CSMD2: variants seen among roughly 807,000 people sequenced by gnomAD.
CSMD2 encodes CUB and sushi domain-containing protein 2.
In CSMD2, 130 loss-of-function variants were observed where a neutral mutation model predicts 398.5. The ratio of observed to expected loss-of-function variants is 0.33; its 90% CI spans 0.28 to 0.38. The LOEUF is 0.38. Among genes scored for constraint, CSMD2 ranks in the 10% least tolerant of loss-of-function variants. CSMD2 has a pLI of 1.00. For missense variants in CSMD2, 3,829 were observed against 4,764.9 expected, an observed-to-expected ratio of 0.80 and a Z score of 5.78; for synonymous variants, 1,828 against 1,908.5, an observed-to-expected ratio of 0.96 and a Z score of 1.10.
chr1:33,651,896 A>C (rs1023861890), intron 28 of CSMD2, among the ~76,000 whole-genome samples: 1 of 152,006 alleles, frequency 6.6e-6, no homozygotes, highest in Non-Finnish European at 1.5e-5. Context: ...CTGTAGCAGG[A>C]ATGGAAAAGC....
intron 10 of CSMD2, 100 bp from the exon 11 acceptor site, chr1:33,792,626 C>A: frequency 1.3e-6 from 1 of 768,634 alleles, no homozygotes; most frequent in South Asian, 1.5e-5. Context: ...TCCCAATGCT[C>A]AGAGTCACTG....
At chr1:33,931,785 G>A (rs528790290) in intron 4 of CSMD2, among the ~76,000 whole-genome samples, 17 of 152,322 alleles carry the variant, frequency 1.1e-4, no homozygotes, top group Middle Eastern at 6.8e-3. Flanking sequence ...ACTAGACCCC[G>A]TCAGTGATGA....
intron 6 of CSMD2, among the ~76,000 whole-genome samples, chr1:33,835,860 A>C (rs1660188883): frequency 6.6e-6 from 1 of 152,040 alleles, no homozygotes; most frequent in Non-Finnish European, 1.5e-5. Flanking sequence ...TCTTCTCTTA[A>C]CTCGTCAAAG....
At chr1:34,028,316 A>G (rs888098629) in intron 3 of CSMD2, among the ~76,000 whole-genome samples, 1 of 152,160 alleles carries the variant, frequency 6.6e-6, no homozygotes, top group African/African-American at 2.4e-5. Context: ...GCCCTATCTC[A>G]AAAAACTAAA....
At position 33,788,597 on chromosome 1, in the gene CSMD2, TA is replaced by T; in HGVS notation, c.1663+2del. On this transcript the variant is annotated splice_donor_variant, in intron 12 of 70. Coordinates refer to ENST00000373381, the MANE Select transcript of CSMD2 (RefSeq NM_001281956.2). LOFTEE classifies it high-confidence loss of function. ...GTTCATCTGGCTTGCCAAAAGCAGTTACCTTCATAAGAAGCCTTGAATCCCA... is the reference window on the plus strand; with the variant it reads ...GTTCATCTGGCTTGCCAAAAGCAGTTCCTTCATAAGAAGCCTTGAATCCCA... 1 of 1,574,726 alleles carries T rather than the reference TA, an allele frequency of 6.4e-7. No individual in the cohort carries two copies. Among genetic ancestry groups the T allele is most frequent in the Non-Finnish European group, 8.7e-7 (1 of 1,144,288 alleles).
At chr1:34,031,765 C>CAAAA (rs556094322) in intron 3 of CSMD2, among the ~76,000 whole-genome samples, 26 of 71,248 alleles carry the variant, frequency 3.6e-4, no homozygotes, top group East Asian at 8.1e-4. Flanking sequence ...AAGGCAAAGG[C>CAAAA]AAAAAAAAAA....
intron 56 of CSMD2, among the ~76,000 whole-genome samples, chr1:33,548,072 G>A (rs1657078080): frequency 6.6e-6 from 1 of 152,214 alleles, no homozygotes; most frequent in African/African-American, 2.4e-5. Context: ...ACAGCCGTGT[G>A]AAGATGTGCC....
intron 5 of CSMD2, among the ~76,000 whole-genome samples, chr1:33,889,455 G>A (rs935849318): frequency 3.9e-5 from 6 of 152,198 alleles, no homozygotes; most frequent in Non-Finnish European, 8.8e-5. Flanking sequence ...AATTGGCACA[G>A]TCTTTCTGGA....
Position 33,646,632 on chromosome 1 carries a change from G to A in CSMD2, c.4774+16C>T. On this transcript the variant is annotated intron_variant, in intron 29 of 70. Coordinates refer to ENST00000373381, the MANE Select transcript of CSMD2 (RefSeq NM_001281956.2). ...CTGGACCTGTCCTCAGTACTCTCTG[G>A]CACCAGGGCCCTTACCTGTATAGTC... 6.2e-7 allele frequency: 1 copy of A among 1,612,230 alleles called. No homozygotes were observed. The highest frequency in any genetic ancestry group is 8.5e-7 in the Non-Finnish European group (1 of 1,179,616).
chr1:33,651,887 T>C (rs1315938267), intron 28 of CSMD2, among the ~76,000 whole-genome samples: 1 of 151,988 alleles, frequency 6.6e-6, no homozygotes, highest in Non-Finnish European at 1.5e-5. Flanking sequence ...AGAGCTTTTC[T>C]GTAGCAGGAA....
At chr1:33,743,148 G>T in intron 14 of CSMD2, 132 bp downstream of exon 14, 4 of 704,392 alleles carry the variant, frequency 5.7e-6, no homozygotes, top group South Asian at 4.2e-5. Context: ...CCATGACTGG[G>T]CACTGCAGCC....
intron 1 of CSMD2, among the ~76,000 whole-genome samples, chr1:34,116,254 G>A (rs76511842): frequency 0.19 from 29,595 of 151,774 alleles, 3,084 homozygotes; most frequent in South Asian, 0.36. Flanking sequence ...GTAAAAGAAC[G>A]GACAAAGATA....
intron 3 of CSMD2, among the ~76,000 whole-genome samples, chr1:34,022,217 C>T (rs779743234): frequency 2.6e-5 from 4 of 152,182 alleles, no homozygotes; most frequent in Non-Finnish European, 2.9e-5. Context: ...CTTACACATC[C>T]ACTTAGTGAG....
rs937092000 is a variant in CSMD2 at position 33,624,802 on chromosome 1, A to G, written c.5501-159T>C. Among the ~76,000 whole-genome samples, 10 of 151,896 alleles carry G rather than the reference A, an allele frequency of 6.6e-5. No homozygotes were observed. Among genetic ancestry groups the G allele is most frequent in the African/African-American group, 2.2e-4 (9 of 41,320 alleles). ...CCTGCCTTCTCCACGGCCTCTCCCC[A>G]TGCAACTCTGTTCGGGGCCCTGGGC... is the stretch of plus-strand genomic sequence containing the variant. On this transcript the variant is annotated intron_variant, in intron 34 of 70. Transcript: ENST00000373381. The surrounding 1 kb of genome is among the most constrained non-coding windows in gnomAD (Gnocchi z 4.7).
At chr1:34,098,450 GAA>G (rs958454036) in intron 1 of CSMD2, among the ~76,000 whole-genome samples, 1 of 147,798 alleles carries the variant, frequency 6.8e-6, no homozygotes, top group Non-Finnish European at 1.5e-5. Context: ...TAAATAAAAA[GAA>G]AAAAAAAGAA....
At chr1:33,548,750 C>T (rs957585901) in intron 56 of CSMD2, among the ~76,000 whole-genome samples, 5 of 152,206 alleles carry the variant, frequency 3.3e-5, no homozygotes, top group African/African-American at 4.8e-5. Flanking sequence ...CTAGCCTTTG[C>T]GTACATTGAA....
chr1:34,040,867 G>A (rs192593390), intron 2 of CSMD2, among the ~76,000 whole-genome samples: 26 of 152,322 alleles, frequency 1.7e-4, no homozygotes, highest in Non-Finnish European at 3.4e-4. Flanking sequence ...GCTTGTGCCT[G>A]TAATCCCAAC....
Position 33,514,279 on chromosome 1 carries a change from CCTT to C in CSMD2, c.*2342_*2344del, listed in dbSNP as rs910520080. On this transcript the variant is annotated 3_prime_UTR_variant, in exon 71 of 71. Coordinates refer to ENST00000373381, the MANE Select transcript of CSMD2 (RefSeq NM_001281956.2). ...TACAATAATGAAAAAAAAATTTACA[CCTT>C]TTTTTTTTTCTTTTTTGGTACTGTA... The C allele has an allele frequency of 9.9e-6, 1 of 100,806 alleles. No individual in the cohort carries two copies. The highest frequency in any genetic ancestry group is 2.2e-5 in the Non-Finnish European group (1 of 45,428). 6.2% of individuals were successfully genotyped at this position (100,806 alleles called of 1,614,324 possible). A position where few individuals can be genotyped will look rare whatever the true frequency, so the allele number is the denominator to read the frequency against.
intron 4 of CSMD2, among the ~76,000 whole-genome samples, chr1:33,934,467 G>A (rs1644406287): frequency 6.6e-6 from 1 of 152,220 alleles, no homozygotes; most frequent in Admixed American, 6.5e-5. Context: ...CTTTCAAGAT[G>A]CTGGGCTATG....
Sources: allele counts gnomAD v4.1 joint callset (sites outside exome capture counted in the v4.1 genomes callset), GRCh38; gene constraint gnomAD v4.1.1; non-coding constraint Gnocchi (gnomAD v3.1); transcripts MANE v1.5; gene names NCBI Gene and HGNC (gene_info 2026-07-23, HGNC 2026-07-21).